The following RNF212 variants were observed in gnomAD, a reference collection of about 807,000 sequenced individuals.
RNF212 encodes the protein probable E3 SUMO-protein ligase RNF212.
In RNF212, 33 loss-of-function variants were observed where a neutral mutation model predicts 34.7. The ratio of observed to expected loss-of-function variants is 0.95; its 90% confidence interval spans 0.72 to 1.27. The LOEUF (loss-of-function observed/expected upper bound fraction) is 1.27, where lower values mean the gene tolerates loss of function less well. RNF212 is among the 50% of genes most tolerant of loss of function. RNF212 has a pLI of 0.00. For missense variants in RNF212, 377 were observed against 362.2 expected, an observed-to-expected ratio of 1.04 and a Z score of -0.33; for synonymous variants, 140 against 136.1, an observed-to-expected ratio of 1.03 and a Z score of -0.20.
intron 5 of RNF212, among the ~76,000 whole-genome samples, chr4:1,082,586 T>A (rs1720529908): frequency 6.6e-6 from 1 of 152,200 alleles, no homozygotes; most frequent in Admixed American, 6.5e-5. Context: ...CTGAGTCACC[T>A]CCTAGAGCCT....
chr4:1,085,939 C>T lies in RNF212; in HGVS notation c.319G>A (p.Glu107Lys), dbSNP rs777525264. Reference protein sequence around the residue: ...FYREKISRLEESLRKSVLQIE... With the variant: ...FYREKISRLEKSLRKSVLQIE... Reference sequence around the variant, plus strand: ...TGCAGCACTGACTTCCTAAGGGATTCTTCCAACCTAGAAATCTAAACATAA... The same window carrying T: ...TGCAGCACTGACTTCCTAAGGGATTTTTCCAACCTAGAAATCTAAACATAA... The change falls in exon 5 of 10, where the codon GAA (glutamate) becomes AAA (lysine). Residue 107 changes from glutamate (E) to lysine (K), a missense_variant. Glu to Lys is a moderately conservative substitution (Grantham distance 56). Coordinates refer to ENST00000433731, the MANE Select transcript of RNF212 (RefSeq NM_001131034.4). 1.2e-6 allele frequency: 2 copies of T among 1,610,702 alleles called. No individual in the cohort carries two copies. Among genetic ancestry groups the T allele is most frequent in the Admixed American group, 1.7e-5 (1 of 60,020 alleles).
chr4:1,110,922 G>C (rs1415304640), intron 1 of RNF212, among the ~76,000 whole-genome samples: 1 of 152,202 alleles, frequency 6.6e-6, no homozygotes, highest in Admixed American at 6.5e-5. Context: ...TTAAGAGCTA[G>C]GCAAACCTGT....
At chr4:1,078,108 C>T (rs1331527924) in intron 8 of RNF212, among the ~76,000 whole-genome samples, 2 of 152,198 alleles carry the variant, frequency 1.3e-5, no homozygotes, top group Admixed American at 6.5e-5. Flanking sequence ...GGCTGCTACA[C>T]GACTGAGTTC....
At chr4:1,111,324 G>A (rs1381609707) in intron 1 of RNF212, among the ~76,000 whole-genome samples, 3 of 151,828 alleles carry the variant, frequency 2.0e-5, no homozygotes, top group East Asian at 1.9e-4. Context: ...CGTATTAATC[G>A]CTCCCCAAAT....
At chr4:1,062,567 T>G (rs1717819409) in intron 3 of RNF212, among the ~76,000 whole-genome samples, 2 of 152,154 alleles carry the variant, frequency 1.3e-5, no homozygotes, top group African/African-American at 4.8e-5. Flanking sequence ...GCTGAAAGTT[T>G]CCTCCTAAGA....
At chr4:1,062,514 C>T (rs1198364629) in intron 3 of RNF212, among the ~76,000 whole-genome samples, 1 of 152,094 alleles carries the variant, frequency 6.6e-6, no homozygotes, top group African/African-American at 2.4e-5. Context: ...ATAAAGGGCG[C>T]CTCCAGGAAA....
At chr4:1,093,917 G>T in intron 3 of RNF212, 2 of 1,536,238 alleles carry the variant, frequency 1.3e-6, no homozygotes, top group Non-Finnish European at 1.7e-6. Flanking sequence ...ATCTCTGGCT[G>T]CTGCTTGGCT....
intron 5 of RNF212, 66 bp downstream of exon 5, chr4:1,085,830 C>T: frequency 1.9e-6 from 2 of 1,062,696 alleles, no homozygotes; most frequent in Non-Finnish European, 2.9e-6. Context: ...CTTGGAGAGC[C>T]AGACGACCAA....
intron 3 of RNF212, among the ~76,000 whole-genome samples, chr4:1,064,523 T>C (rs1717960284): frequency 6.6e-6 from 1 of 152,230 alleles, no homozygotes; most frequent in Non-Finnish European, 1.5e-5. Flanking sequence ...ATCAAGATGC[T>C]GGCTGATGGG....
At chr4:1,066,712 A>T (rs1009948862), downstream of RNF212, among the ~76,000 whole-genome samples, 2 of 152,194 alleles carry the variant, frequency 1.3e-5, no homozygotes, top group Admixed American at 1.3e-4. Context: ...TATTAGATAC[A>T]TATGATTTGC....
intron 2 of RNF212, among the ~76,000 whole-genome samples, chr4:1,104,957 G>A (rs1328404518): frequency 5.9e-5 from 9 of 152,142 alleles, no homozygotes; most frequent in Admixed American, 2.0e-4. Context: ...CCCCCAGGGA[G>A]AGCCTGGGCT....
intron 2 of RNF212, chr4:1,100,328 T>C (rs959478182): frequency 1.4e-5 from 3 of 214,544 alleles, no homozygotes; most frequent in South Asian, 7.4e-5. Flanking sequence ...ACATGGTCCT[T>C]TTCACACAGT....
At chr4:1,070,736 T>G (rs550603171), downstream of RNF212, among the ~76,000 whole-genome samples, 1 of 152,362 alleles carries the variant, frequency 6.6e-6, no homozygotes, top group Admixed American at 6.5e-5. Context: ...TGTAAGACTG[T>G]GTTCTTGGTT....
intron 2 of RNF212, among the ~76,000 whole-genome samples, chr4:1,098,273 A>C (rs1417810497): frequency 6.6e-6 from 1 of 152,194 alleles, no homozygotes; most frequent in Non-Finnish European, 1.5e-5. Context: ...TTTAGGAAAA[A>C]AATACTCTAT....
chr4:1,091,796 T>A (rs1015633214), intron 3 of RNF212, among the ~76,000 whole-genome samples: 1 of 152,170 alleles, frequency 6.6e-6, no homozygotes, highest in African/African-American at 2.4e-5. Flanking sequence ...CCTCGCGGTT[T>A]CCTGGCTGCT....
At chr4:1,090,494 C>G (rs963026573) in intron 4 of RNF212, among the ~76,000 whole-genome samples, 1 of 152,172 alleles carries the variant, frequency 6.6e-6, no homozygotes, top group Non-Finnish European at 1.5e-5. Flanking sequence ...TTCCAAACTC[C>G]CAAGGCCCCA....
At chr4:1,111,553 C>G (rs1012942615) in intron 1 of RNF212, among the ~76,000 whole-genome samples, 3 of 152,162 alleles carry the variant, frequency 2.0e-5, no homozygotes, top group Admixed American at 1.3e-4. Flanking sequence ...CCCTTGTCTC[C>G]GACTCATGTC....
intron 1 of RNF212, among the ~76,000 whole-genome samples, chr4:1,109,724 C>G (rs1468664247): frequency 1.4e-5 from 2 of 146,886 alleles, no homozygotes; most frequent in Non-Finnish European, 3.0e-5. Context: ...TCTCTGCCCT[C>G]TCCTCTAGAC....
intron 2 of RNF212, chr4:1,100,238 T>TG: frequency 3.6e-6 from 1 of 279,478 alleles, no homozygotes; most frequent in Non-Finnish European, 7.0e-6. Context: ...TTTGTGTTCC[T>TG]GTCAAACATT....
Sources: allele counts gnomAD v4.1 joint callset (sites outside exome capture counted in the v4.1 genomes callset), GRCh38; gene constraint gnomAD v4.1.1; transcripts MANE v1.5; gene names NCBI Gene and HGNC (gene_info 2026-07-23, HGNC 2026-07-21).